The following ARHGAP29 variants were observed in gnomAD, a reference collection of about 807,000 sequenced individuals.
ARHGAP29 encodes the protein Rho GTPase activating protein 29, also known as rho GTPase-activating protein 29.
ARHGAP29 carries 43 observed loss-of-function variants against 122.6 expected under a neutral mutation model. That is an observed-to-expected ratio of 0.35 (90% CI 0.27 to 0.45). The LOEUF (loss-of-function observed/expected upper bound fraction) is 0.45. ARHGAP29 is among the 20% of genes least tolerant of loss of function. ARHGAP29 has a pLI of 1.00. For synonymous variants in ARHGAP29, 506 were observed against 497.1 expected (o/e 1.02, Z -0.24); for missense variants, 1,303 against 1,477.2 (o/e 0.88, Z 1.93).
At chr1:94,304,792 A>G in the ARHGAP29 span, among the ~76,000 whole-genome samples, 16 of 152,204 alleles carry the variant, frequency 1.1e-4, no homozygotes. Context: ...AAAAGCATGT[A>G]TTATTCACTT....
At chr1:94,235,134 A>C (rs987048272) in intron 1 of ARHGAP29, among the ~76,000 whole-genome samples, 1 of 152,190 alleles carries the variant, frequency 6.6e-6, no homozygotes, top group African/African-American at 2.4e-5. Flanking sequence ...AGCCAGCATT[A>C]TAATGATTAA....
intron 2 of ARHGAP29, among the ~76,000 whole-genome samples, chr1:94,227,999 A>C (rs1652716049): frequency 6.6e-6 from 1 of 151,652 alleles, no homozygotes; most frequent in Non-Finnish European, 1.5e-5. Context: ...CTACAAGGTA[A>C]CCTCCTCCTG....
intron 11 of ARHGAP29, 183 bp from the exon 12 acceptor site, chr1:94,202,040 T>A (rs1650882105): frequency 1.8e-6 from 1 of 569,216 alleles, no homozygotes; most frequent in African/African-American, 1.9e-5. Context: ...TGGACAGCCA[T>A]GTACAATTTA....
chr1:94,271,124 A>G (rs1009860746), intron 1 of ARHGAP29, among the ~76,000 whole-genome samples: 2 of 152,224 alleles, frequency 1.3e-5, no homozygotes, highest in African/African-American at 2.4e-5. Flanking sequence ...AATGGGATTC[A>G]GTGTCTCACA....
Position 94,195,755 on chromosome 1 carries a change from A to G in ARHGAP29, c.1282-5672T>C, listed in dbSNP as rs568167591. ...CACAATAGAAGTATATGCTCTCTAT[A>G]ATGCTATATAAGAAACTCACTTTAA... On this transcript the variant is annotated intron_variant, in intron 12 of 22. Coordinates refer to ENST00000260526, the MANE Select transcript of ARHGAP29 (RefSeq NM_004815.4). 3 of 152,228 alleles carry G rather than the reference A, an allele frequency of 2.0e-5. No individual in the cohort carries two copies. In the South Asian group the frequency reaches 6.2e-4, roughly 32 times the overall value. The allele number at this position is 152,228 out of a possible 1,614,324, so 9.4% of individuals were successfully genotyped here.
upstream of ARHGAP29, among the ~76,000 whole-genome samples, chr1:94,278,399 T>C (rs548850037): frequency 6.0e-4 from 92 of 152,336 alleles, no homozygotes; most frequent in African/African-American, 2.1e-3. Flanking sequence ...ACTGATAACA[T>C]ACCCAATTCT....
chr1:94,216,058 G>T (rs1284705198), intron 3 of ARHGAP29, among the ~76,000 whole-genome samples: 1 of 152,124 alleles, frequency 6.6e-6, no homozygotes, highest in East Asian at 1.9e-4. Context: ...CAAAGGTGCA[G>T]GAAATCAGCC....
chr1:94,185,608 T>C (rs1649750490), intron 16 of ARHGAP29, 127 bp from the exon 17 acceptor site: 2 of 809,672 alleles, frequency 2.5e-6, no homozygotes, highest in Non-Finnish European at 3.5e-6. Context: ...GAATCTCTAA[T>C]ATCAAAATAG....
intron 8 of ARHGAP29, 122 bp from the exon 9 acceptor site, chr1:94,203,332 A>C: frequency 5.1e-6 from 3 of 585,752 alleles, no homozygotes; most frequent in South Asian, 3.0e-5. Context: ...AAAAATAACT[A>C]GTCAAAAACA....
intron 11 of ARHGAP29, 159 bp downstream of exon 11, chr1:94,202,385 A>G: frequency 1.2e-6 from 1 of 811,856 alleles, no homozygotes; most frequent in South Asian, 1.8e-5. Flanking sequence ...AGCCTATTAA[A>G]AAATGTTGAC....
Position 94,174,394 on chromosome 1 carries a change from T to C in ARHGAP29, c.3261A>G (p.Gln1087=), listed in dbSNP as rs1648953026. The C allele has an allele frequency of 6.2e-7, 1 of 1,614,194 alleles. No individual in the cohort carries two copies. Among genetic ancestry groups the C allele is most frequent in the Non-Finnish European group, 8.5e-7 (1 of 1,180,036 alleles). ...TTGTAGTCTTGGCAGTTAGGCTGTT[T>C]TGTTCATACTGTTTGTCCTGAATTT... ...LQKIQDKQYE[Q]NSLTAKTTMI... is the part of the protein sequence containing the mutation. Residue 1087 remains glutamine (Q), a synonymous_variant, in exon 23 of 23, where the codon CAA becomes CAG. Coordinates refer to ENST00000260526, the MANE Select transcript of ARHGAP29 (RefSeq NM_004815.4).
At chr1:94,219,861 C>CT (rs1265763036) in intron 3 of ARHGAP29, among the ~76,000 whole-genome samples, 1 of 152,166 alleles carries the variant, frequency 6.6e-6, no homozygotes, top group African/African-American at 2.4e-5. Flanking sequence ...ATTAAGCCTT[C>CT]TTTTTCTCCA....
At chr1:94,220,513 A>G in intron 2 of ARHGAP29, 121 bp from the exon 3 acceptor site, 1 of 782,428 alleles carries the variant, frequency 1.3e-6, no homozygotes, top group Non-Finnish European at 1.9e-6. Context: ...TGCCTACTAT[A>G]CATTCATTTA....
intron 3 of ARHGAP29, among the ~76,000 whole-genome samples, chr1:94,218,489 C>A (rs575442160): frequency 6.6e-6 from 1 of 152,160 alleles, no homozygotes; most frequent in Admixed American, 6.5e-5. Context: ...TATACACAGG[C>A]GCACTCCTTC....
At chr1:94,251,736 G>A (rs1654104798) in intron 1 of ARHGAP29, among the ~76,000 whole-genome samples, 1 of 151,938 alleles carries the variant, frequency 6.6e-6, no homozygotes, top group South Asian at 2.1e-4. Context: ...CCTTTTCCTT[G>A]CTGCCTTCTG....
At chr1:94,250,375 T>G (rs1283787678) in intron 1 of ARHGAP29, 2 of 152,184 alleles carry the variant, frequency 1.3e-5, no homozygotes. Context: ...AAATCCACCC[T>G]TAGATTCTCC....
the ARHGAP29 span, among the ~76,000 whole-genome samples, chr1:94,306,127 G>T: frequency 6.6e-6 from 1 of 152,220 alleles, no homozygotes; most frequent in Non-Finnish European, 1.5e-5. Flanking sequence ...CATCATTTCT[G>T]CTTCCCTGCA....
At position 94,171,294 on chromosome 1, in the gene ARHGAP29, C is replaced by A. The variant is rs184667191; in HGVS notation, c.*2575G>T. ...TCTCTGTATCAAAACAAATACACTG[C>A]CTAAGGTACACTAAAAGTAATTTAA... On this transcript the variant is annotated 3_prime_UTR_variant, in exon 23 of 23. Transcript: ENST00000260526. 6.6e-6 allele frequency among the ~76,000 whole-genome samples: 1 copy of A among 152,194 alleles called. No individual in the cohort carries two copies. The highest frequency in any genetic ancestry group is 2.4e-5 in the African/African-American group (1 of 41,542).
rs1447173424 is a variant in ARHGAP29 at position 94,170,557 on chromosome 1, A to T, written c.*3312T>A. On this transcript the variant is annotated 3_prime_UTR_variant, in exon 23 of 23. Transcript: ENST00000260526. ...ATTGAATGTGGTCTATGGATTAGATATCATGATGTCAATGTCAATCTCCTA... is the reference window on the plus strand; with the variant it reads ...ATTGAATGTGGTCTATGGATTAGATTTCATGATGTCAATGTCAATCTCCTA... Among the ~76,000 whole-genome samples the T allele has an allele frequency of 6.6e-6, 1 of 152,242 alleles. No individual in the cohort carries two copies. Among genetic ancestry groups the T allele is most frequent in the East Asian group, 1.9e-4 (1 of 5,200 alleles).
Sources: allele counts gnomAD v4.1 joint callset (sites outside exome capture counted in the v4.1 genomes callset), GRCh38; gene constraint gnomAD v4.1.1; transcripts MANE v1.5; gene names NCBI Gene and HGNC (gene_info 2026-07-23, HGNC 2026-07-21).